RFX2: variants seen among roughly 807,000 people sequenced by gnomAD.
RFX2 encodes regulatory factor X2, also known as DNA-binding protein RFX2.
In RFX2, 20 loss-of-function variants were observed where a neutral mutation model predicts 87.8. The ratio of observed to expected loss-of-function variants is 0.23; its 90% CI spans 0.16 to 0.33. The LOEUF (loss-of-function observed/expected upper bound fraction) is 0.33. RFX2 is among the 10% of genes least tolerant of loss of function. The probability of loss-of-function intolerance (pLI) is 1.00; values close to 1 mark genes in which losing one functional copy is unlikely to be tolerated. For missense variants in RFX2, 767 were observed against 1,012.3 expected (o/e 0.76, Z 3.29); for synonymous variants, 397 against 431.3 (o/e 0.92, Z 0.98).
At chr19:6,075,786 G>A (rs1285373392) in intron 1 of RFX2, among the ~76,000 whole-genome samples, 2 of 152,142 alleles carry the variant, frequency 1.3e-5, no homozygotes, top group Admixed American at 1.3e-4. Flanking sequence ...TCCAGGATTC[G>A]GGGAGTGAGC....
intron 1 of RFX2, among the ~76,000 whole-genome samples, chr19:6,108,944 G>A (rs1242720262): frequency 6.6e-6 from 1 of 152,030 alleles, no homozygotes; most frequent in African/African-American, 2.4e-5. Flanking sequence ...CCGGAGGCTG[G>A]TGGCGAGGGA....
intron 1 of RFX2, among the ~76,000 whole-genome samples, chr19:6,094,051 T>G (rs1404205998): frequency 2.0e-5 from 3 of 152,100 alleles, no homozygotes; most frequent in Non-Finnish European, 4.4e-5. Context: ...TGAAAGCCAC[T>G]AAATTGTACA....
intron 1 of RFX2, among the ~76,000 whole-genome samples, chr19:6,099,474 T>C (rs765703495): frequency 2.0e-5 from 3 of 152,018 alleles, no homozygotes; most frequent in Non-Finnish European, 2.9e-5. Context: ...ATCGAAAACA[T>C]GGAGTTTGAA....
chr19:6,095,323 T>C (rs1016550024), intron 1 of RFX2, among the ~76,000 whole-genome samples: 2 of 152,228 alleles, frequency 1.3e-5, no homozygotes, highest in African/African-American at 4.8e-5. Flanking sequence ...TAGATGTAGA[T>C]GTGATCTCTA....
intron 1 of RFX2, among the ~76,000 whole-genome samples, chr19:6,076,334 ACT>A (rs2087692229): frequency 6.6e-6 from 1 of 152,044 alleles, no homozygotes; most frequent in African/African-American, 2.4e-5. Flanking sequence ...ACAGAGAGAG[ACT>A]CTGTCTCAAA....
intron 1 of RFX2, among the ~76,000 whole-genome samples, chr19:6,095,679 G>C (rs967076266): frequency 6.6e-6 from 1 of 151,986 alleles, no homozygotes; most frequent in African/African-American, 2.4e-5. Flanking sequence ...AATAAAGGGG[G>C]AAATAGGATG....
chr19:5,996,996 G>A, intron 16 of RFX2, 64 bp downstream of exon 16: 1 of 1,530,526 alleles, frequency 6.5e-7, no homozygotes, highest in Admixed American at 1.8e-5. Flanking sequence ...GCTGCTCAGA[G>A]CACACCGCCC....
chr19:6,018,175 T>C (rs2086756410), intron 6 of RFX2, among the ~76,000 whole-genome samples: 1 of 152,130 alleles, frequency 6.6e-6, no homozygotes, highest in South Asian at 2.1e-4. Context: ...GATGGGATTT[T>C]GCCATGTTGG....
rs999263351 is a variant in RFX2 at position 6,040,414 on chromosome 19, C to A, written c.261-173G>T. Among the ~76,000 whole-genome samples the A allele has an allele frequency of 6.6e-6, 1 of 152,162 alleles. No homozygotes were observed. The highest frequency in any genetic ancestry group is 1.5e-5 in the Non-Finnish European group (1 of 68,038). On this transcript the variant is annotated intron_variant, in intron 4 of 17. Transcript: ENST00000303657. This position sits in a 1 kb window ranked among gnomAD's most constrained non-coding sequence, Gnocchi z 6.1. ...CAAATGCAGCGCAAGTTCACAGCCACCATGTTGCAAAATCTTTAGGACCAC... is the reference window on the plus strand; with the variant it reads ...CAAATGCAGCGCAAGTTCACAGCCAACATGTTGCAAAATCTTTAGGACCAC...
intron 13 of RFX2, among the ~76,000 whole-genome samples, chr19:6,003,754 G>T (rs1166572830): frequency 7.2e-6 from 1 of 138,134 alleles, no homozygotes; most frequent in Non-Finnish European, 1.5e-5. Flanking sequence ...ACTCCAGCCT[G>T]GGCGACAGAG....
chr19:6,075,391 G>A (rs537473675), intron 1 of RFX2, among the ~76,000 whole-genome samples: 6 of 152,168 alleles, frequency 3.9e-5, no homozygotes, highest in Non-Finnish European at 7.3e-5. Flanking sequence ...AGGGCACAGG[G>A]ACACAATCTG....
At chr19:6,098,779 G>A (rs1214009301) in intron 1 of RFX2, among the ~76,000 whole-genome samples, 1 of 152,072 alleles carries the variant, frequency 6.6e-6, no homozygotes, top group Admixed American at 6.6e-5. Flanking sequence ...ACAAAGCTGG[G>A]GAAATAGATC....
At chr19:6,053,236 C>A (rs1422656164) in intron 1 of RFX2, among the ~76,000 whole-genome samples, 4 of 152,046 alleles carry the variant, frequency 2.6e-5, no homozygotes, top group Non-Finnish European at 5.9e-5. Context: ...GTGAAAGAAG[C>A]CAGTCTGAAA....
At chr19:6,076,378 TCATCAACTGGAATAC>T (rs1396151137) in intron 1 of RFX2, among the ~76,000 whole-genome samples, 2 of 151,934 alleles carry the variant, frequency 1.3e-5, no homozygotes. Context: ...AAACAAACGT[TCATCAACTGGAATAC>T]CATTAACTAC....
rs79811853 is a variant in RFX2 at position 6,090,090 on chromosome 19, T to A, written c.-9+20303A>T. Among the ~76,000 whole-genome samples the A allele has an allele frequency of 4.5e-3, 680 of 151,652 alleles. 7 individuals carry two copies. The East Asian group carries it at 0.07, about 16-fold the overall frequency. On this transcript the variant is annotated intron_variant, in intron 1 of 17. Coordinates refer to ENST00000303657, the MANE Select transcript of RFX2 (RefSeq NM_000635.4). Reference sequence around the variant, plus strand: ...GGTCCTCCCACCTCACCCTCTGGAGTAGTTGAGACCAGAGGCCCACACCAC... The same window carrying A: ...GGTCCTCCCACCTCACCCTCTGGAGAAGTTGAGACCAGAGGCCCACACCAC...
chr19:6,094,899 C>A (rs182727077), intron 1 of RFX2, among the ~76,000 whole-genome samples: 3 of 151,962 alleles, frequency 2.0e-5, no homozygotes, highest in Non-Finnish European at 4.4e-5. Flanking sequence ...GAGGCTGAGG[C>A]GGGTGGATCA....
intron 6 of RFX2, chr19:6,019,844 C>T (rs971576185): frequency 3.3e-5 from 5 of 152,228 alleles, no homozygotes; most frequent in African/African-American, 1.2e-4. Context: ...AGACTATGCT[C>T]TCCCTGAGGG....
chr19:6,094,798 T>C (rs2087997493), intron 1 of RFX2, among the ~76,000 whole-genome samples: 1 of 152,238 alleles, frequency 6.6e-6, no homozygotes, highest in Non-Finnish European at 1.5e-5. Context: ...AAATGTATTA[T>C]TAAATTACTT....
At chr19:6,068,512 T>C (rs2087545852) in intron 1 of RFX2, 1 of 152,188 alleles carries the variant, frequency 6.6e-6, no homozygotes, top group Admixed American at 6.5e-5. Context: ...GAAGGAGTGC[T>C]GGGATAGGAA....
Sources: gnomAD v4.1 joint callset for allele counts (sites outside exome capture counted in the v4.1 genomes callset) on GRCh38, gnomAD v4.1.1 for gene constraint, Gnocchi (gnomAD v3.1) non-coding constraint, MANE v1.5 for transcripts, NCBI Gene and HGNC (gene_info 2026-07-23, HGNC 2026-07-21) for gene names.